The following CHL1 variants were observed in gnomAD, a reference collection of about 807,000 sequenced individuals.
The protein encoded by CHL1 is neural cell adhesion molecule L1-like protein.
CHL1 carries 96 observed loss-of-function variants against 141.9 expected under a neutral mutation model. That is an observed-to-expected ratio of 0.68 (90% confidence interval 0.57 to 0.80). The LOEUF (loss-of-function observed/expected upper bound fraction) is 0.80, where lower values mean the gene tolerates loss of function less well. Among genes scored for constraint, CHL1 ranks in the 30% least tolerant of loss-of-function variants. The pLI is 0.00. For missense variants in CHL1, 1,820 were observed against 1,457.2 expected (o/e 1.25, Z -4.05); for synonymous variants, 613 against 502.2 (o/e 1.22, Z -2.95).
chr3:346,797 T>C (rs1172046080), intron 9 of CHL1, among the ~76,000 whole-genome samples: 4 of 152,308 alleles, frequency 2.6e-5, no homozygotes, highest in East Asian at 1.9e-4. Context: ...AAAAACTCTT[T>C]CTAAGAAGTT....
intron 15 of CHL1, among the ~76,000 whole-genome samples, chr3:375,233 T>C (rs75235509): frequency 0.03 from 4,566 of 152,164 alleles, 210 homozygotes; most frequent in African/African-American, 0.1. Flanking sequence ...TGAAACCATT[T>C]TTAGAATTTA....
intron 2 of CHL1, among the ~76,000 whole-genome samples, chr3:287,444 G>A (rs1278363716): frequency 6.6e-6 from 1 of 152,092 alleles, no homozygotes; most frequent in Non-Finnish European, 1.5e-5. Flanking sequence ...ATAAATTTGT[G>A]CTGAGACACG....
chr3:296,780 G>A (rs1574990111), intron 2 of CHL1, among the ~76,000 whole-genome samples: 1 of 152,094 alleles, frequency 6.6e-6, no homozygotes, highest in Non-Finnish European at 1.5e-5. Flanking sequence ...ACACTGTAAG[G>A]GGGAAAATAT....
intron 15 of CHL1, chr3:373,827 G>A (rs1232085631): frequency 6.6e-6 from 1 of 152,246 alleles, no homozygotes; most frequent in Non-Finnish European, 1.5e-5. Flanking sequence ...CGCCTCCCTT[G>A]GCTGGGGGGA....
At chr3:374,298 C>A (rs1442303810) in intron 15 of CHL1, among the ~76,000 whole-genome samples, 5 of 152,082 alleles carry the variant, frequency 3.3e-5, no homozygotes, top group Middle Eastern at 3.2e-3. Flanking sequence ...TAATTATATA[C>A]CTCTAAAGGC....
chr3:268,518 G>C (rs1450262911), intron 2 of CHL1, among the ~76,000 whole-genome samples: 3 of 151,976 alleles, frequency 2.0e-5, no homozygotes, highest in African/African-American at 4.8e-5. Flanking sequence ...CTGGGTGACA[G>C]AGCGGGACCC....
rs566661075 is a variant in CHL1, at chr3:237,255, G to A, written c.-174-7358G>A. 1.4e-4 allele frequency among the ~76,000 whole-genome samples: 21 copies of A among 152,250 alleles called. 1 individual carries two copies. In the South Asian group the frequency reaches 4.4e-3, roughly 32 times the overall value. On this transcript the variant is annotated intron_variant, in intron 1 of 27. Coordinates refer to ENST00000256509, the MANE Select transcript of CHL1 (RefSeq NM_006614.4). Reference sequence around the variant, plus strand: ...AGATCTGATGGTTTAAAAGTGTGTGGAAGTTCCCCACTCACTCTGTCTCTC... The same window carrying A: ...AGATCTGATGGTTTAAAAGTGTGTGAAAGTTCCCCACTCACTCTGTCTCTC...
At chr3:217,988 T>C (rs940849932) in intron 1 of CHL1, among the ~76,000 whole-genome samples, 4 of 152,182 alleles carry the variant, frequency 2.6e-5, no homozygotes, top group Non-Finnish European at 2.9e-5. Context: ...GCTGTTTTAT[T>C]ATTTTATTTA....
intron 23 of CHL1, 113 bp downstream of exon 23, chr3:391,910 G>A: frequency 1.2e-6 from 1 of 836,062 alleles, no homozygotes; most frequent in Non-Finnish European, 1.8e-6. Flanking sequence ...TTTGTAAGCT[G>A]CCGTTCTTCC....
At chr3:336,696 A>G (rs1296618942) in intron 5 of CHL1, among the ~76,000 whole-genome samples, 1 of 152,236 alleles carries the variant, frequency 6.6e-6, no homozygotes, top group Non-Finnish European at 1.5e-5. Context: ...AGGATATCCT[A>G]TAGATATAAA....
At chr3:327,306 C>T (rs1370564414) in intron 4 of CHL1, among the ~76,000 whole-genome samples, 1 of 151,840 alleles carries the variant, frequency 6.6e-6, no homozygotes. Context: ...TGAATACAAT[C>T]TAATTGGGAA....
intron 1 of CHL1, among the ~76,000 whole-genome samples, chr3:236,080 C>G (rs1368109407): frequency 6.6e-6 from 1 of 152,148 alleles, no homozygotes; most frequent in Non-Finnish European, 1.5e-5. Flanking sequence ...AGACCAGCGT[C>G]TGAATGATAA....
chr3:383,396 A>G (rs903762612), intron 18 of CHL1, among the ~76,000 whole-genome samples: 5 of 152,186 alleles, frequency 3.3e-5, no homozygotes, highest in Admixed American at 3.3e-4. Flanking sequence ...ATATTAATAC[A>G]TGGTGTTTAC....
chr3:337,938 G>C (rs1170459241), intron 5 of CHL1, among the ~76,000 whole-genome samples: 1 of 151,978 alleles, frequency 6.6e-6, no homozygotes, highest in Admixed American at 6.5e-5. Context: ...GATCCCTGAG[G>C]AATAACACTG....
At chr3:313,602 T>C (rs1244122676) in intron 2 of CHL1, among the ~76,000 whole-genome samples, 1 of 152,156 alleles carries the variant, frequency 6.6e-6, no homozygotes, top group Non-Finnish European at 1.5e-5. Context: ...TTATTCAGAG[T>C]ACATTAACAA....
At chr3:264,404 G>C (rs1694990994) in intron 2 of CHL1, among the ~76,000 whole-genome samples, 1 of 152,016 alleles carries the variant, frequency 6.6e-6, no homozygotes. Context: ...ACATATAACA[G>C]AATGGTAGAA....
At chr3:396,936 A>G (rs770744003) in intron 24 of CHL1, among the ~76,000 whole-genome samples, 3 of 152,094 alleles carry the variant, frequency 2.0e-5, no homozygotes, top group Non-Finnish European at 2.9e-5. Flanking sequence ...GCAAATAGGA[A>G]CCTACTGCTA....
At chr3:269,331 G>C (rs958077340) in intron 2 of CHL1, among the ~76,000 whole-genome samples, 5 of 152,174 alleles carry the variant, frequency 3.3e-5, no homozygotes, top group African/African-American at 1.2e-4. Flanking sequence ...GCACGTGAAA[G>C]AAGGAGACTT....
rs150759342 is a variant in CHL1 at position 304,843 on chromosome 3, T to C, written c.-94-14840T>C. On this transcript the variant is annotated intron_variant, in intron 2 of 27. Transcript: ENST00000256509. ...TTTAATTGTGATGTTAGGGTGTCAA[T>C]TTTAGATCTTTCCTGCTTTCTCTTG... Among the ~76,000 whole-genome samples the C allele has an allele frequency of 9.2e-3, 1,406 of 152,310 alleles. 17 individuals are homozygous for C. The highest frequency in any genetic ancestry group is 0.032 in the African/African-American group (1,350 of 41,570).
Sources: allele counts gnomAD v4.1 joint callset (sites outside exome capture counted in the v4.1 genomes callset), GRCh38; gene constraint gnomAD v4.1.1; transcripts MANE v1.5; gene names NCBI Gene and HGNC (gene_info 2026-07-23, HGNC 2026-07-21).